The following GCNT2 variants were observed in gnomAD, a reference collection of about 807,000 sequenced individuals.
The protein encoded by GCNT2 is N-acetyllactosaminide beta-1,6-N-acetylglucosaminyl-transferase.
In GCNT2, 34 loss-of-function variants were observed where a neutral mutation model predicts 34.2. The ratio of observed to expected loss-of-function variants is 1.00; its 90% CI spans 0.76 to 1.32. The LOEUF (loss-of-function observed/expected upper bound fraction) is 1.32, where lower values mean the gene tolerates loss of function less well. Among genes scored for constraint, GCNT2 ranks in the 40% most tolerant of loss-of-function variants. The probability of loss-of-function intolerance (pLI) is 0.00; values close to 1 mark genes in which losing one functional copy is unlikely to be tolerated. For synonymous variants in GCNT2, 212 were observed against 188.0 expected (o/e 1.13, Z -1.04); for missense variants, 584 against 489.4 (o/e 1.19, Z -1.82).
chr6:10,552,669 G>A (rs141505393), intron 3 of GCNT2, among the ~76,000 whole-genome samples: 1,686 of 152,240 alleles, frequency 0.011, 15 homozygotes, highest in Middle Eastern at 0.027. Flanking sequence ...ATGCATTTGT[G>A]GACTTTGTAT....
chr6:10,622,471 A>C (rs1377107632), intron 4 of GCNT2, among the ~76,000 whole-genome samples: 4 of 152,044 alleles, frequency 2.6e-5, no homozygotes, highest in Non-Finnish European at 5.9e-5. Flanking sequence ...TCTTCTTCTA[A>C]GGAGACCAGT....
intron 3 of GCNT2, among the ~76,000 whole-genome samples, chr6:10,537,313 C>T (rs1761806312): frequency 6.6e-6 from 1 of 152,176 alleles, no homozygotes; most frequent in African/African-American, 2.4e-5. Flanking sequence ...CTTCTTCCTC[C>T]TTCCCAGCTA....
chr6:10,574,933 G>C, intron 3 of GCNT2: 1 of 718,512 alleles, frequency 1.4e-6, no homozygotes, highest in East Asian at 2.6e-5. Flanking sequence ...TCGGCTCTTA[G>C]AGTGCTTAAT....
rs984752836 is a variant in GCNT2 at position 10,529,395 on chromosome 6, G to C, written c.484G>C (p.Gly162Arg). Residue 162 changes from glycine (G) to arginine (R), a missense_variant, in exon 3 of 5, where the codon GGG (glycine) becomes CGG (arginine). Physicochemically the swap from Gly to Arg is moderately radical, Grantham distance 125. Coordinates refer to ENST00000495262, the MANE Select transcript of GCNT2 (RefSeq NM_145649.5). ...TTCCAAGAAGGAGTCGGTTGTCTATGGGGGGATCTCCAGGCTCCAGGCTGA... is the reference window on the plus strand; with the variant it reads ...TTCCAAGAAGGAGTCGGTTGTCTATCGGGGGATCTCCAGGCTCCAGGCTGA... ...LASKKESVVY[G>R]GISRLQADLN... The C allele has an allele frequency of 1.5e-5, 24 of 1,613,920 alleles. No individual in the cohort carries two copies. The highest frequency in any genetic ancestry group is 1.9e-5 in the Non-Finnish European group (23 of 1,179,974).
chr6:10,554,793 G>C (rs1406137528), intron 3 of GCNT2, among the ~76,000 whole-genome samples: 1 of 152,118 alleles, frequency 6.6e-6, no homozygotes, highest in Non-Finnish European at 1.5e-5. Flanking sequence ...TTTTCTACTT[G>C]ACCTAAAAAT....
chr6:10,562,882 AG>A (rs1322228297), intron 3 of GCNT2, among the ~76,000 whole-genome samples: 1 of 152,030 alleles, frequency 6.6e-6, no homozygotes, highest in Non-Finnish European at 1.5e-5. Flanking sequence ...ACTGGGTGGC[AG>A]GGTGGGTTAA....
chr6:10,539,670 C>T (rs528692811), intron 3 of GCNT2, among the ~76,000 whole-genome samples: 89 of 152,262 alleles, frequency 5.8e-4, no homozygotes, highest in Middle Eastern at 3.4e-3. Context: ...ATGAACTTCT[C>T]AGGTGTTGAT....
At chr6:10,573,178 A>G in intron 3 of GCNT2, 1 of 975,830 alleles carries the variant, frequency 1.0e-6, no homozygotes, top group Non-Finnish European at 1.2e-6. Context: ...GATCTCTGGC[A>G]GCAGCTGGAT....
intron 3 of GCNT2, among the ~76,000 whole-genome samples, chr6:10,603,465 G>A (rs1366065884): frequency 6.6e-6 from 1 of 152,222 alleles, no homozygotes; most frequent in African/African-American, 2.4e-5. Context: ...ACGGTGGGAA[G>A]CACCCGTGTC....
intron 3 of GCNT2, among the ~76,000 whole-genome samples, chr6:10,573,677 A>G (rs1225999): frequency 0.63 from 95,635 of 152,174 alleles, 30,450 homozygotes; most frequent in Middle Eastern, 0.72. Flanking sequence ...GTGGTCTTCA[A>G]CTGAAAAGCA....
At chr6:10,586,166 T>C (rs774557081) in intron 3 of GCNT2, 1 of 1,614,182 alleles carries the variant, frequency 6.2e-7, no homozygotes, top group South Asian at 1.1e-5. Flanking sequence ...TGCCAGTCTT[T>C]TTGTGGGAAA....
At position 10,626,705 on chromosome 6, in the gene GCNT2, A is replaced by G; in HGVS notation, c.*98A>G. 1 of 848,158 alleles carries G rather than the reference A, an allele frequency of 1.2e-6. No homozygotes were observed. The highest frequency in any genetic ancestry group is 1.4e-5 in the South Asian group (1 of 72,266). The allele number at this position is 848,158 out of a possible 1,614,324, so 52.5% of individuals were successfully genotyped here. ...TTGCCTTCGTAATGTTAACCGTTTC[A>G]GGACCACGTTTATAGCTTCAGGACC... On this transcript the variant is annotated 3_prime_UTR_variant, in exon 5 of 5. Coordinates refer to ENST00000495262, the MANE Select transcript of GCNT2 (RefSeq NM_145649.5).
At chr6:10,546,158 A>G (rs1762254141) in intron 3 of GCNT2, among the ~76,000 whole-genome samples, 1 of 152,146 alleles carries the variant, frequency 6.6e-6, no homozygotes, top group African/African-American at 2.4e-5. Context: ...CGTTGATCTC[A>G]GCAGCATATA....
chr6:10,626,517 C>A lies in GCNT2; in HGVS notation c.1119C>A (p.Tyr373Ter), dbSNP rs1025214253. Residue 373 changes from tyrosine to a stop codon, truncating the protein, a stop_gained, in exon 5 of 5, where the codon TAC (tyrosine) becomes TAA (stop). Coordinates refer to ENST00000495262, the MANE Select transcript of GCNT2 (RefSeq NM_145649.5). LOFTEE classifies it high-confidence loss of function. The part of the protein sequence containing the change: ...LFANKFELNT[Y>*]PLTVECLELR... ...CTAACAAGTTTGAGCTTAATACCTA[C>A]CCCCTTACTGTGGAATGCCTAGAAC... The A allele has an allele frequency of 1.2e-6, 2 of 1,612,938 alleles. No homozygotes were observed. Among genetic ancestry groups the A allele is most frequent in the Non-Finnish European group, 1.7e-6 (2 of 1,178,992 alleles).
At chr6:10,551,057 A>G (rs1232446383) in intron 3 of GCNT2, among the ~76,000 whole-genome samples, 2 of 152,194 alleles carry the variant, frequency 1.3e-5, no homozygotes, top group Non-Finnish European at 2.9e-5. Context: ...TCATCTTGAG[A>G]TGTTCATTGG....
At position 10,524,180 on chromosome 6, in the gene GCNT2, CTTA is replaced by C. The variant is rs561054285; in HGVS notation, c.-469+2766_-469+2768del. ...GAAGCTGTGATTATAAATCAAATGA[CTTA>C]TTCAACGGCTCCAAGCCTGTTAAGA... On this transcript the variant is annotated intron_variant, in intron 1 of 4. Coordinates refer to ENST00000495262, the MANE Select transcript of GCNT2 (RefSeq NM_145649.5). Among the ~76,000 whole-genome samples the C allele has an allele frequency of 5.3e-5, 8 of 151,540 alleles. No homozygotes were observed. The South Asian group carries it at 1.5e-3, about 28-fold the overall frequency.
At chr6:10,621,610 T>A in intron 4 of GCNT2, 167 bp downstream of exon 4, 1 of 657,608 alleles carries the variant, frequency 1.5e-6, no homozygotes, top group South Asian at 1.6e-5. Context: ...CAAAAATAAG[T>A]TTAAACATCT....
chr6:10,549,918 G>A (rs914584721), intron 3 of GCNT2, among the ~76,000 whole-genome samples: 1 of 152,064 alleles, frequency 6.6e-6, no homozygotes, highest in Non-Finnish European at 1.5e-5. Flanking sequence ...TAAGCACCAG[G>A]TGTTTGTGTA....
chr6:10,577,535 TTTTTA>T (rs1172009229), intron 3 of GCNT2, among the ~76,000 whole-genome samples: 2 of 152,136 alleles, frequency 1.3e-5, no homozygotes, highest in African/African-American at 2.4e-5. Context: ...ATGCGTTTAT[TTTTTA>T]TTTTATTTTA....
Sources: allele counts gnomAD v4.1 joint callset (sites outside exome capture counted in the v4.1 genomes callset), GRCh38; gene constraint gnomAD v4.1.1; transcripts MANE v1.5; gene names NCBI Gene and HGNC (gene_info 2026-07-23, HGNC 2026-07-21).